PGBD5: variants seen among roughly 807,000 people sequenced by gnomAD.
PGBD5 encodes the protein piggyBac transposable element derived 5, also known as piggyBac transposable element-derived protein 5.
In PGBD5, 14 loss-of-function variants were observed where a neutral mutation model predicts 47.9. The observed-to-expected ratio is 0.29, with a 90% CI of 0.19 to 0.46. The LOEUF (loss-of-function observed/expected upper bound fraction) is 0.46. PGBD5 is among the 20% of genes least tolerant of loss of function. PGBD5 has a pLI of 1.00. For missense variants in PGBD5, 635 were observed against 716.0 expected, an observed-to-expected ratio of 0.89 and a Z score of 1.29; for synonymous variants, 316 against 306.3, an observed-to-expected ratio of 1.03 and a Z score of -0.33.
rs71733326 is a variant in PGBD5 at position 230,347,476 on chromosome 1, CTTTTTTTTTT to C, written c.894+3472_894+3481del. Among the ~76,000 whole-genome samples the C allele has an allele frequency of 2.1e-3, 240 of 113,452 alleles. 2 individuals are homozygous for C. Among genetic ancestry groups the C allele is most frequent in the African/African-American group, 6.9e-3 (211 of 30,628 alleles). The allele number at this position is 113,452 out of a possible 152,430, so 74.4% of individuals were successfully genotyped here. A position where few individuals can be genotyped will look rare whatever the true frequency, so the allele number is the denominator to read the frequency against. On this transcript the variant is annotated intron_variant, in intron 3 of 6. Coordinates refer to ENST00000391860, the MANE Select transcript of PGBD5 (RefSeq NM_001258311.2). ...ACAGCAATCATTTTCATTTTCTTTT[CTTTTTTTTTT>C]TTTTTTTTTTGAGATGGATTTTCAC...
intron 1 of PGBD5, among the ~76,000 whole-genome samples, chr1:230,396,559 G>GCCCCCCCCCC (rs61206058): frequency 3.0e-4 from 35 of 117,544 alleles, no homozygotes; most frequent in African/African-American, 3.7e-4. Flanking sequence ...ACATTTTGTT[G>GCCCCCCCCCC]CCCCCCCTCC....
chr1:230,352,232 C>T (rs1033013333), intron 2 of PGBD5, among the ~76,000 whole-genome samples: 1 of 152,176 alleles, frequency 6.6e-6, no homozygotes, highest in African/African-American at 2.4e-5. Flanking sequence ...TCAGAACTGA[C>T]AACACGCAAC....
intron 1 of PGBD5, among the ~76,000 whole-genome samples, chr1:230,415,404 G>C (rs562151097): frequency 6.6e-6 from 1 of 152,104 alleles, no homozygotes. Flanking sequence ...TTGTAACCCT[G>C]TTTCTCAAAC....
intron 1 of PGBD5, among the ~76,000 whole-genome samples, chr1:230,359,843 G>C (rs756150861): frequency 6.6e-6 from 1 of 152,196 alleles, no homozygotes; most frequent in African/African-American, 2.4e-5. Context: ...AGCAACAGTA[G>C]CCTGGAGGGT....
chr1:230,329,720 A>G (rs1239567479), intron 5 of PGBD5, among the ~76,000 whole-genome samples: 1 of 152,254 alleles, frequency 6.6e-6, no homozygotes, highest in Non-Finnish European at 1.5e-5. Context: ...GAATTATTCA[A>G]TAAATGGTTT....
intron 1 of PGBD5, among the ~76,000 whole-genome samples, chr1:230,402,172 C>T (rs2102742342): frequency 6.6e-6 from 1 of 152,316 alleles, no homozygotes; most frequent in South Asian, 2.1e-4. Context: ...TCTGTAACCA[C>T]ATTTCTTGTG....
intron 1 of PGBD5, among the ~76,000 whole-genome samples, chr1:230,358,148 C>A (rs951219694): frequency 6.6e-6 from 1 of 152,146 alleles, no homozygotes; most frequent in Non-Finnish European, 1.5e-5. Flanking sequence ...CACAGCCCCT[C>A]CTGTCTCCCG....
At position 230,357,097 on chromosome 1, in the gene PGBD5, G is replaced by A. The variant is rs1330688707; in HGVS notation, c.556C>T (p.Leu186Phe). 6.2e-7 allele frequency: 1 copy of A among 1,614,200 alleles called. No homozygotes were observed. Among genetic ancestry groups the A allele is most frequent in the East Asian group, 2.2e-5 (1 of 44,878 alleles). ...TAGAAGCCTCCGCTCCAGATGCTGA[G>A]GACGGACTCGCAGTGGGAGATGCTG... ...STSISHCESVLSIWSGGFYSN... is the reference protein window; with the variant it reads ...STSISHCESVFSIWSGGFYSN... The change falls in exon 2 of 7, where the codon CTC (leucine) becomes TTC (phenylalanine). Residue 186 changes from leucine (L) to phenylalanine (F), a missense_variant. Physicochemically the swap from Leu to Phe is conservative, Grantham distance 22. Transcript: ENST00000391860. This position sits in a 1 kb window ranked among gnomAD's most constrained non-coding sequence, Gnocchi z 5.7.
At chr1:230,376,485 C>T (rs182748365) in intron 1 of PGBD5, among the ~76,000 whole-genome samples, 10 of 152,320 alleles carry the variant, frequency 6.6e-5, no homozygotes, top group African/African-American at 9.6e-5. Flanking sequence ...GGGTGTCAAT[C>T]GGCCCTTTGT....
intron 2 of PGBD5, among the ~76,000 whole-genome samples, chr1:230,356,440 G>T (rs1421707791): frequency 6.6e-6 from 1 of 152,144 alleles, no homozygotes; most frequent in East Asian, 1.9e-4. Context: ...CTCTGTGTGG[G>T]CATAAGTAAC....
intron 1 of PGBD5, among the ~76,000 whole-genome samples, chr1:230,390,194 G>A (rs983260441): frequency 2.6e-5 from 4 of 152,180 alleles, no homozygotes; most frequent in Admixed American, 6.5e-5. Context: ...CCCACCATAA[G>A]TGGGTGACCA....
intron 4 of PGBD5, among the ~76,000 whole-genome samples, chr1:230,334,855 T>C (rs1334210358): frequency 2.6e-5 from 4 of 152,192 alleles, no homozygotes; most frequent in African/African-American, 7.2e-5. Context: ...TTCTTCCAGC[T>C]AGAAGATTCT....
intron 1 of PGBD5, among the ~76,000 whole-genome samples, chr1:230,401,570 T>A (rs1013961359): frequency 5.3e-5 from 8 of 152,200 alleles, no homozygotes; most frequent in African/African-American, 1.9e-4. Context: ...GAAAAAATAA[T>A]TCTTTTATGA....
In PGBD5 at chr1:230,325,083, A is replaced by G. The variant is rs145843920; in HGVS notation, c.1379+227T>C. Reference sequence around the variant, plus strand: ...TGGGCACAGGGAATGTGAACCCAGCATTGGGAGAGTGGAGGACACAGAGTA... The same window carrying G: ...TGGGCACAGGGAATGTGAACCCAGCGTTGGGAGAGTGGAGGACACAGAGTA... On this transcript the variant is annotated intron_variant, in intron 6 of 6. Coordinates refer to ENST00000391860, the MANE Select transcript of PGBD5 (RefSeq NM_001258311.2). Among the ~76,000 whole-genome samples, 594 of 152,300 alleles carry G rather than the reference A, an allele frequency of 3.9e-3. 8 individuals carry two copies. The East Asian group carries it at 0.051, about 13-fold the overall frequency.
intron 3 of PGBD5, among the ~76,000 whole-genome samples, chr1:230,350,052 C>T (rs1029024219): frequency 6.6e-6 from 1 of 152,220 alleles, no homozygotes; most frequent in Admixed American, 6.5e-5. Flanking sequence ...AATCTTCCTA[C>T]GAATCCTGCT....
At chr1:230,419,702 G>A (rs1657605325) in intron 1 of PGBD5, among the ~76,000 whole-genome samples, 1 of 152,144 alleles carries the variant, frequency 6.6e-6, no homozygotes, top group African/African-American at 2.4e-5. Flanking sequence ...GCTGGCAAAG[G>A]CATAAAAAGG....
chr1:230,371,801 A>T (rs1055697864), intron 1 of PGBD5, among the ~76,000 whole-genome samples: 1 of 152,214 alleles, frequency 6.6e-6, no homozygotes, highest in African/African-American at 2.4e-5. Flanking sequence ...AAATCACTCA[A>T]CATCATCTAC....
Position 230,315,402 on chromosome 1 carries a change from T to A in PGBD5, c.*8023A>T, listed in dbSNP as rs140779729. On this transcript the variant is annotated 3_prime_UTR_variant, in exon 7 of 7. Coordinates refer to ENST00000391860, the MANE Select transcript of PGBD5 (RefSeq NM_001258311.2). Reference sequence around the variant, plus strand: ...CATTCAGCCCCGGGAGCCACTCGGATCAAGTCTGGCTGTATCCCGAGGGCG... The same window carrying A: ...CATTCAGCCCCGGGAGCCACTCGGAACAAGTCTGGCTGTATCCCGAGGGCG... The A allele has an allele frequency of 0.019, 2,659 of 140,390 alleles. 30 individuals carry two copies. The highest frequency in any genetic ancestry group is 0.034 in the Middle Eastern group (10 of 292). The allele number at this position is 140,390 out of a possible 1,614,324, so 8.7% of individuals were successfully genotyped here. A position where few individuals can be genotyped will look rare whatever the true frequency, so the allele number is the denominator to read the frequency against.
In PGBD5 at chr1:230,346,446, G is replaced by A. The variant is rs572307777; in HGVS notation, c.894+4512C>T. On this transcript the variant is annotated intron_variant, in intron 3 of 6. Transcript: ENST00000391860. ...CTTAAGTGCACCATCGTATCTAGCA[G>A]TGGGTAACTAGCAGTGGAACCCGAC... Among the ~76,000 whole-genome samples, 5 of 152,300 alleles carry A rather than the reference G, an allele frequency of 3.3e-5. No homozygotes were observed. The South Asian group carries it at 1.0e-3, about 32-fold the overall frequency.
Sources: gnomAD v4.1 joint callset for allele counts (sites outside exome capture counted in the v4.1 genomes callset) on GRCh38, gnomAD v4.1.1 for gene constraint, Gnocchi (gnomAD v3.1) non-coding constraint, MANE v1.5 for transcripts, NCBI Gene and HGNC (gene_info 2026-07-23, HGNC 2026-07-21) for gene names.